Variants in MYO16 observed in about 807,000 individuals in gnomAD.
MYO16 encodes unconventional myosin-XVI.
In MYO16, 94 loss-of-function variants were observed where a neutral mutation model predicts 205.3. The observed-to-expected ratio is 0.46, with a 90% CI of 0.39 to 0.54. The LOEUF (loss-of-function observed/expected upper bound fraction) is 0.54. Ranked by LOEUF, MYO16 falls within the 20% of genes least tolerant of loss-of-function variation. The pLI is 0.00. For synonymous variants in MYO16, 988 were observed against 954.0 expected, an observed-to-expected ratio of 1.04 and a Z score of -0.66; for missense variants, 2,315 against 2,387.5, an observed-to-expected ratio of 0.97 and a Z score of 0.63.
chr13:108,573,106 A>G, the MYO16 span, among the ~76,000 whole-genome samples: 228 of 152,246 alleles, frequency 1.5e-3, no homozygotes, highest in African/African-American at 5.2e-3. Flanking sequence ...TTTTTGTCCC[A>G]CCCACATTCC....
intron 31 of MYO16, among the ~76,000 whole-genome samples, chr13:109,129,558 C>T (rs1438294207): frequency 6.6e-6 from 1 of 152,120 alleles, no homozygotes; most frequent in East Asian, 1.9e-4. Context: ...TTCCTACTTT[C>T]AGGCCTCCAT....
chr13:108,611,980 T>C (rs1338961290), intron 1 of MYO16, among the ~76,000 whole-genome samples: 1 of 137,864 alleles, frequency 7.3e-6, no homozygotes, highest in African/African-American at 2.6e-5. Context: ...TTCTTTTTTT[T>C]TTTTTTTTTT....
At chr13:108,854,193 C>T (rs1359274956) in intron 10 of MYO16, among the ~76,000 whole-genome samples, 4 of 151,936 alleles carry the variant, frequency 2.6e-5, no homozygotes, top group East Asian at 1.9e-4. Context: ...GGTGAGGTTT[C>T]GCCGCGTTGG....
chr13:108,799,324 AAATGC>A (rs1886899439), intron 6 of MYO16, among the ~76,000 whole-genome samples: 1 of 152,270 alleles, frequency 6.6e-6, no homozygotes, highest in African/African-American at 2.4e-5. Flanking sequence ...ATAATGTTTA[AAATGC>A]AATAAAAATG....
intron 4 of MYO16, among the ~76,000 whole-genome samples, chr13:108,735,475 T>C (rs1594250362): frequency 6.6e-6 from 1 of 151,236 alleles, no homozygotes; most frequent in Non-Finnish European, 1.5e-5. Flanking sequence ...TATTCCATGG[T>C]ATATACCATG....
At chr13:108,990,787 A>G (rs933323255) in intron 20 of MYO16, among the ~76,000 whole-genome samples, 4 of 152,192 alleles carry the variant, frequency 2.6e-5, no homozygotes, top group Non-Finnish European at 5.9e-5. Context: ...AACAAAAAAT[A>G]TTACAGACAG....
intron 7 of MYO16, 72 bp from the exon 8 acceptor site, chr13:108,820,265 A>G: frequency 1.8e-6 from 2 of 1,098,332 alleles, no homozygotes; most frequent in South Asian, 1.4e-5. Flanking sequence ...TGGACAGCAC[A>G]GTGTATGACT....
At chr13:108,934,602 G>T (rs557098863) in intron 16 of MYO16, among the ~76,000 whole-genome samples, 5 of 151,998 alleles carry the variant, frequency 3.3e-5, no homozygotes, top group African/African-American at 4.8e-5. Context: ...TAGTTTAATA[G>T]GTCTCTCTCA....
At chr13:108,786,423 TC>T (rs1886458751) in intron 5 of MYO16, among the ~76,000 whole-genome samples, 1 of 152,184 alleles carries the variant, frequency 6.6e-6, no homozygotes, top group Non-Finnish European at 1.5e-5. Flanking sequence ...ATTATGCCCC[TC>T]CTTTTTTCCC....
At chr13:108,798,984 C>T (rs560931370) in intron 6 of MYO16, among the ~76,000 whole-genome samples, 10 of 149,714 alleles carry the variant, frequency 6.7e-5, no homozygotes, top group African/African-American at 2.2e-4. Flanking sequence ...GGATTACAGG[C>T]GTGAGCCACC....
At position 108,893,844 on chromosome 13, in the gene MYO16, A is replaced by G. The variant is rs183214112; in HGVS notation, c.1660-4172A>G. Among the ~76,000 whole-genome samples the G allele has an allele frequency of 2.3e-4, 35 of 152,316 alleles. No individual in the cohort carries two copies. In the East Asian group the frequency reaches 4.1e-3, roughly 18 times the overall value. The stretch of plus-strand genomic sequence containing the variant: ...AGGAGACAATTTTGCCTCAAATCCT[A>G]GGAAAATACTCATTGGGGGTCATTT... On this transcript the variant is annotated intron_variant, in intron 14 of 34. Coordinates refer to ENST00000457511, the MANE Select transcript of MYO16 (RefSeq NM_001198950.3).
intron 20 of MYO16, among the ~76,000 whole-genome samples, chr13:108,984,192 C>T (rs1884548307): frequency 6.6e-6 from 1 of 152,146 alleles, no homozygotes; most frequent in Non-Finnish European, 1.5e-5. Context: ...AAAATGCATC[C>T]AATTCCATGG....
At position 108,709,683 on chromosome 13, in the gene MYO16, A is replaced by G. The variant is rs528824309; in HGVS notation, c.293-2978A>G. Among the ~76,000 whole-genome samples, 85 of 135,772 alleles carry G rather than the reference A, an allele frequency of 6.3e-4. 18 individuals are homozygous for G. The highest frequency in any genetic ancestry group is 2.1e-3 in the African/African-American group (78 of 36,626). The allele number at this position is 135,772 out of a possible 152,430, so 89.1% of individuals were successfully genotyped here. A position where few individuals can be genotyped will look rare whatever the true frequency, so the allele number is the denominator to read the frequency against. On this transcript the variant is annotated intron_variant, in intron 2 of 34. Coordinates refer to ENST00000457511, the MANE Select transcript of MYO16 (RefSeq NM_001198950.3). ...TTATTACACAAATGATATTTTCTTC[A>G]TTGTATCTTCACATTTAGGTCTCTT...
At chr13:108,509,142 T>C in the MYO16 span, among the ~76,000 whole-genome samples, 6 of 152,160 alleles carry the variant, frequency 3.9e-5, no homozygotes, top group Admixed American at 2.0e-4. Flanking sequence ...AAAGAACAGG[T>C]AGAGAGATCT....
At chr13:108,695,064 A>T (rs1883037954) in intron 2 of MYO16, among the ~76,000 whole-genome samples, 1 of 152,228 alleles carries the variant, frequency 6.6e-6, no homozygotes, top group Admixed American at 6.5e-5. Flanking sequence ...GTGAGCTGAG[A>T]TCGCACCATT....
At chr13:108,503,180 T>C in the MYO16 span, among the ~76,000 whole-genome samples, 1 of 152,122 alleles carries the variant, frequency 6.6e-6, no homozygotes, top group African/African-American at 2.4e-5. Context: ...TATAGTATAA[T>C]ATGGTCAATA....
the MYO16 span, among the ~76,000 whole-genome samples, chr13:108,576,156 A>G: frequency 6.6e-6 from 1 of 152,210 alleles, no homozygotes; most frequent in Non-Finnish European, 1.5e-5. Context: ...GGACTTACAC[A>G]TATGAGAGTG....
At chr13:108,727,624 G>T (rs764642573) in intron 4 of MYO16, 41 bp downstream of exon 4, 1 of 1,580,880 alleles carries the variant, frequency 6.3e-7, no homozygotes, top group South Asian at 1.2e-5. Context: ...AGATTTGATG[G>T]CATGTAAAAG....
At chr13:108,638,602 C>G (rs1385079632) in intron 1 of MYO16, among the ~76,000 whole-genome samples, 1 of 152,080 alleles carries the variant, frequency 6.6e-6, no homozygotes, top group Non-Finnish European at 1.5e-5. Context: ...AAATAATTGT[C>G]CTTGTAACAC....
Sources: allele counts gnomAD v4.1 joint callset (sites outside exome capture counted in the v4.1 genomes callset), GRCh38; gene constraint gnomAD v4.1.1; transcripts MANE v1.5; gene names NCBI Gene and HGNC (gene_info 2026-07-23, HGNC 2026-07-21).